Variants in MYOCD observed in about 807,000 individuals in gnomAD.
The protein encoded by MYOCD is myocardin.
Under a neutral mutation model 96.1 loss-of-function variants are expected in MYOCD, and 32 were observed. The observed-to-expected ratio is 0.33, with a 90% CI of 0.25 to 0.45. The LOEUF (loss-of-function observed/expected upper bound fraction) is 0.45, where lower values mean the gene tolerates loss of function less well. MYOCD is among the 20% of genes least tolerant of loss of function. The pLI, the probability that MYOCD is intolerant of heterozygous loss-of-function variation, is 1.00. For synonymous variants in MYOCD, 469 were observed against 469.0 expected, an observed-to-expected ratio of 1.00 and a Z score of 0.00; for missense variants, 1,133 against 1,200.6, an observed-to-expected ratio of 0.94 and a Z score of 0.83.
At position 12,707,501 on chromosome 17, in the gene MYOCD, C is replaced by T. The variant is rs570721331; in HGVS notation, c.121+2308C>T. 1.0e-3 allele frequency among the ~76,000 whole-genome samples: 153 copies of T among 151,612 alleles called. 1 individual carries two copies. The highest frequency in any genetic ancestry group is 1.9e-3 in the Non-Finnish European group (129 of 67,920). ...TGGGCAGATCATGAGGTCAGGAGAT[C>T]GAGACCATTGTGGCTAACACGGAGA... On this transcript the variant is annotated intron_variant, in intron 2 of 13. Transcript: ENST00000425538.
At chr17:12,741,329 G>A (rs1054816335) in intron 7 of MYOCD, among the ~76,000 whole-genome samples, 6 of 152,172 alleles carry the variant, frequency 3.9e-5, no homozygotes, top group Non-Finnish European at 5.9e-5. Flanking sequence ...GGGGAAGGAG[G>A]AGGAGATGAG....
intron 1 of MYOCD, among the ~76,000 whole-genome samples, chr17:12,680,101 C>T (rs1348845019): frequency 2.6e-5 from 4 of 152,150 alleles, no homozygotes; most frequent in Non-Finnish European, 4.4e-5. Flanking sequence ...CTCAAAAGAA[C>T]GTAAACCTGT....
chr17:12,711,093 G>T (rs941261550), intron 2 of MYOCD, among the ~76,000 whole-genome samples: 4 of 152,144 alleles, frequency 2.6e-5, no homozygotes, highest in Non-Finnish European at 4.4e-5. Flanking sequence ...TATTATTGGG[G>T]TAACAGACCC....
At position 12,690,224 on chromosome 17, in the gene MYOCD, C is replaced by A. The variant is rs73301010; in HGVS notation, c.56-14904C>A. ...TCAAAGAATGTTATCAGACAGTTTG[C>A]AAAAGAAAAGATACTAATAGTAAAA... On this transcript the variant is annotated intron_variant, in intron 1 of 13. Transcript: ENST00000425538. Among the ~76,000 whole-genome samples, 645 of 151,676 alleles carry A rather than the reference C, an allele frequency of 4.3e-3. 4 individuals are homozygous for A. Among genetic ancestry groups the A allele is most frequent in the African/African-American group, 0.015 (618 of 41,464 alleles).
At chr17:12,700,207 T>C (rs1268122932) in intron 1 of MYOCD, among the ~76,000 whole-genome samples, 2 of 151,682 alleles carry the variant, frequency 1.3e-5, no homozygotes, top group Non-Finnish European at 2.9e-5. Flanking sequence ...CCACAACCAG[T>C]CAATAAGCAT....
chr17:12,700,249 C>T (rs997172017), intron 1 of MYOCD, among the ~76,000 whole-genome samples: 8 of 151,938 alleles, frequency 5.3e-5, no homozygotes, highest in Non-Finnish European at 7.4e-5. Context: ...TCCCCAAACT[C>T]TTCTAATTCT....
At chr17:12,721,213 T>C (rs1297952158) in intron 4 of MYOCD, among the ~76,000 whole-genome samples, 2 of 151,926 alleles carry the variant, frequency 1.3e-5, no homozygotes, top group African/African-American at 2.4e-5. Flanking sequence ...AATAACAGGG[T>C]GTGAACTGCA....
chr17:12,714,476 T>C (rs1437683967), intron 2 of MYOCD, among the ~76,000 whole-genome samples: 1 of 152,092 alleles, frequency 6.6e-6, no homozygotes, highest in African/African-American at 2.4e-5. Context: ...CGGGATCATG[T>C]GATTCCTCAA....
intron 2 of MYOCD, among the ~76,000 whole-genome samples, chr17:12,710,862 T>G (rs941280854): frequency 6.6e-6 from 1 of 152,200 alleles, no homozygotes; most frequent in Non-Finnish European, 1.5e-5. Flanking sequence ...CTGACCTTCC[T>G]TCTTTTCCCC....
At chr17:12,734,650 A>G (rs1443555738) in intron 5 of MYOCD, among the ~76,000 whole-genome samples, 1 of 150,938 alleles carries the variant, frequency 6.6e-6, no homozygotes, top group African/African-American at 2.4e-5. Flanking sequence ...AGCTGGGATT[A>G]CAGGTGCTCG....
At chr17:12,759,883 C>T (rs1204680070) in intron 12 of MYOCD, among the ~76,000 whole-genome samples, 1 of 152,148 alleles carries the variant, frequency 6.6e-6, no homozygotes, top group African/African-American at 2.4e-5. Context: ...GGATGAAAAC[C>T]CCTCAAACAA....
At chr17:12,726,204 AT>A (rs2031994240) in intron 5 of MYOCD, among the ~76,000 whole-genome samples, 1 of 152,108 alleles carries the variant, frequency 6.6e-6, no homozygotes, top group Non-Finnish European at 1.5e-5. Context: ...TTGCGCCATC[AT>A]TCCCTACAGC....
intron 2 of MYOCD, among the ~76,000 whole-genome samples, chr17:12,706,839 A>T (rs879573205): frequency 1.3e-5 from 2 of 152,256 alleles, no homozygotes; most frequent in Non-Finnish European, 2.9e-5. Context: ...ACCACTTATT[A>T]GAAATTTTGC....
In MYOCD at chr17:12,744,412, T is replaced by C. The variant is rs76490220; in HGVS notation, c.947T>C (p.Leu316Pro). The C allele has an allele frequency of 5.7e-3, 9,249 of 1,612,810 alleles. 166 individuals are homozygous for C. The highest frequency in any genetic ancestry group is 0.04 in the Admixed American group (2,366 of 59,722). The change falls in exon 8 of 14, where the codon CTA becomes CCA. Residue 316 changes from leucine (L) to proline (P), a missense_variant. Transcript: ENST00000425538. ...CAGCAGCAACACCGATTCAGCTACC[T>C]AGGGATGCACCAAGCTCAGCTTAAG... ...QQQQQHRFSY[L>P]GMHQAQLKEP...
At chr17:12,712,671 ACT>A (rs1320511197) in intron 2 of MYOCD, among the ~76,000 whole-genome samples, 10 of 152,128 alleles carry the variant, frequency 6.6e-5, no homozygotes, top group Admixed American at 2.6e-4. Flanking sequence ...CCACAACAAA[ACT>A]CTGAGGCAAG....
intron 13 of MYOCD, chr17:12,760,989 T>G (rs925081691): frequency 6.2e-5 from 20 of 321,870 alleles, no homozygotes; most frequent in African/African-American, 3.9e-4. Context: ...TGTTTTCTCT[T>G]GCTGCACTTC....
intron 11 of MYOCD, among the ~76,000 whole-genome samples, chr17:12,757,535 C>A (rs933970367): frequency 6.6e-6 from 1 of 152,144 alleles, no homozygotes; most frequent in Non-Finnish European, 1.5e-5. Flanking sequence ...CTCACTCTGT[C>A]GGCCAGACTG....
chr17:12,701,284 C>T (rs373508425), intron 1 of MYOCD, among the ~76,000 whole-genome samples: 134 of 152,142 alleles, frequency 8.8e-4, no homozygotes, highest in African/African-American at 3.0e-3. Flanking sequence ...TGGTGGTGCA[C>T]GCTTGTAATC....
chr17:12,732,025 A>T (rs955904729), intron 5 of MYOCD, among the ~76,000 whole-genome samples: 2 of 152,156 alleles, frequency 1.3e-5, no homozygotes, highest in Non-Finnish European at 2.9e-5. Flanking sequence ...CTGGACAGCG[A>T]CCAGTGGTCC....
Sources: gnomAD v4.1 joint callset for allele counts (sites outside exome capture counted in the v4.1 genomes callset) on GRCh38, gnomAD v4.1.1 for gene constraint, MANE v1.5 for transcripts, NCBI Gene and HGNC (gene_info 2026-07-23, HGNC 2026-07-21) for gene names.